Variants in MET observed in about 807,000 individuals in gnomAD.
MET encodes hepatocyte growth factor receptor.
A neutral mutation model predicts 133.1 loss-of-function variants in MET; 48 were observed. The ratio of observed to expected loss-of-function variants is 0.36; its 90% CI spans 0.29 to 0.46. The LOEUF is 0.46. MET is among the 20% of genes least tolerant of loss of function. The pLI is 1.00. For missense variants in MET, 1,442 were observed against 1,695.9 expected (o/e 0.85, Z 2.63); for synonymous variants, 628 against 616.5 (o/e 1.02, Z -0.28).
intron 3 of MET, among the ~76,000 whole-genome samples, chr7:116,735,221 C>A (rs539042187): frequency 6.6e-6 from 1 of 152,196 alleles, no homozygotes; most frequent in Non-Finnish European, 1.5e-5. Context: ...CCGCATGCCC[C>A]TTTCGCCTCT....
chr7:116,708,290 T>A (rs1055549155), intron 2 of MET, among the ~76,000 whole-genome samples: 2 of 152,152 alleles, frequency 1.3e-5, no homozygotes, highest in East Asian at 3.9e-4. Flanking sequence ...ATATAAAGCT[T>A]AAAACTTTAA....
At chr7:116,705,502 T>C (rs1211377109) in intron 2 of MET, among the ~76,000 whole-genome samples, 1 of 152,146 alleles carries the variant, frequency 6.6e-6, no homozygotes, top group Non-Finnish European at 1.5e-5. Context: ...ATAGAGTTTT[T>C]TACTTATTGT....
chr7:116,734,811 G>C (rs1793150944), intron 3 of MET, among the ~76,000 whole-genome samples: 1 of 152,188 alleles, frequency 6.6e-6, no homozygotes, highest in South Asian at 2.1e-4. Context: ...CATTAACACA[G>C]TGTACACAGC....
chr7:116,718,680 C>T (rs1158324706), intron 2 of MET, among the ~76,000 whole-genome samples: 1 of 137,502 alleles, frequency 7.3e-6, no homozygotes, highest in Admixed American at 8.1e-5. Context: ...GTGTGATATT[C>T]CCCTTCCTGT....
chr7:116,722,344 C>T (rs1167296853), intron 2 of MET, among the ~76,000 whole-genome samples: 1 of 151,172 alleles, frequency 6.6e-6, no homozygotes, highest in Non-Finnish European at 1.5e-5. Flanking sequence ...GTAGCTCTTC[C>T]TCCATCCTTT....
At chr7:116,736,880 G>A (rs1206037023) in intron 3 of MET, among the ~76,000 whole-genome samples, 4 of 152,114 alleles carry the variant, frequency 2.6e-5, no homozygotes, top group Middle Eastern at 3.2e-3. Context: ...CATTTACATG[G>A]CAAATTTAGT....
At chr7:116,779,424 G>A (rs767290443) in intron 17 of MET, among the ~76,000 whole-genome samples, 21 of 152,118 alleles carry the variant, frequency 1.4e-4, no homozygotes, top group Non-Finnish European at 2.1e-4. Context: ...CACTCTCCCC[G>A]CAAATAGCCA....
chr7:116,773,730 G>A (rs1175076505), intron 14 of MET, among the ~76,000 whole-genome samples: 1 of 152,122 alleles, frequency 6.6e-6, no homozygotes, highest in African/African-American at 2.4e-5. Context: ...TCTGGCTAGT[G>A]TCTACTATAA....
chr7:116,708,790 G>C (rs1367361175), intron 2 of MET, among the ~76,000 whole-genome samples: 1 of 152,026 alleles, frequency 6.6e-6, no homozygotes, highest in South Asian at 2.1e-4. Context: ...CAACCCTTGG[G>C]ACCCCGTTTG....
chr7:116,777,326 G>T, intron 15 of MET, 63 bp from the exon 16 acceptor site: 1 of 1,336,910 alleles, frequency 7.5e-7, no homozygotes, highest in South Asian at 1.2e-5. Context: ...TAAAGGGTTT[G>T]ATAAATAATT....
At chr7:116,732,335 C>T (rs912213855) in intron 3 of MET, among the ~76,000 whole-genome samples, 1 of 152,090 alleles carries the variant, frequency 6.6e-6, no homozygotes, top group Non-Finnish European at 1.5e-5. Flanking sequence ...CTCAAGCTCT[C>T]CTGATTCTGT....
intron 2 of MET, among the ~76,000 whole-genome samples, chr7:116,723,269 C>T (rs1311158792): frequency 1.0e-4 from 15 of 144,552 alleles, no homozygotes; most frequent in South Asian, 9.7e-4. Flanking sequence ...TCCAGTTGAT[C>T]GCATCGGCTC....
At chr7:116,741,067 G>GTTTTTTTTTTTT in intron 5 of MET, 42 bp downstream of exon 5, 1 of 1,348,778 alleles carries the variant, frequency 7.4e-7, no homozygotes, top group African/African-American at 1.8e-5. Flanking sequence ...TTTGTTTGGT[G>GTTTTTTTTTTTT]TTTTTTTTTT....
chr7:116,694,687 T>G (rs1026703523), intron 1 of MET, among the ~76,000 whole-genome samples: 2 of 152,094 alleles, frequency 1.3e-5, no homozygotes, highest in African/African-American at 2.4e-5. Context: ...AATTTTTTTG[T>G]TTTTGTTTTT....
intron 1 of MET, among the ~76,000 whole-genome samples, chr7:116,694,013 T>C (rs1453128167): frequency 6.6e-6 from 1 of 152,236 alleles, no homozygotes; most frequent in Admixed American, 6.5e-5. Context: ...TGGACAGTGA[T>C]TGGATTTAAA....
At chr7:116,719,105 AC>A (rs1792369452) in intron 2 of MET, among the ~76,000 whole-genome samples, 1 of 103,450 alleles carries the variant, frequency 9.7e-6, no homozygotes, top group South Asian at 4.1e-4. Flanking sequence ...TTACAGTCCC[AC>A]CAACAGTGTA....
intron 2 of MET, among the ~76,000 whole-genome samples, chr7:116,712,704 A>C (rs932792031): frequency 1.3e-4 from 20 of 150,244 alleles, no homozygotes; most frequent in African/African-American, 2.7e-4. Flanking sequence ...CGTCCCCCCC[A>C]CACACACCCT....
At chr7:116,764,223 A>T (rs1173767792) in intron 11 of MET, among the ~76,000 whole-genome samples, 2 of 152,186 alleles carry the variant, frequency 1.3e-5, no homozygotes, top group African/African-American at 4.8e-5. Context: ...TCACGTTCAT[A>T]CAAGTTTACT....
chr7:116,737,469 C>T (rs1793262043), intron 3 of MET, among the ~76,000 whole-genome samples: 1 of 152,166 alleles, frequency 6.6e-6, no homozygotes, highest in Non-Finnish European at 1.5e-5. Context: ...TACTCTGGTG[C>T]TCCAAGAGCC....
Sources: gnomAD v4.1 joint callset for allele counts (sites outside exome capture counted in the v4.1 genomes callset) on GRCh38, gnomAD v4.1.1 for gene constraint, MANE v1.5 for transcripts, NCBI Gene and HGNC (gene_info 2026-07-23, HGNC 2026-07-21) for gene names.